Variants in NR2F1-AS1 observed in about 807,000 individuals in gnomAD.
NR2F1-AS1 encodes the protein NR2F1 antisense RNA 1.
At chr5:93,467,386 T>C (rs2149867806) in intron 4 of NR2F1-AS1, among the ~76,000 whole-genome samples, 1 of 152,236 alleles carries the variant, frequency 6.6e-6, no homozygotes, top group Middle Eastern at 3.4e-3. Flanking sequence ...TCTTCAATTT[T>C]CCAAGGCATC....
intron 4 of NR2F1-AS1, among the ~76,000 whole-genome samples, chr5:93,440,140 C>T (rs755612705): frequency 3.3e-5 from 5 of 152,054 alleles, no homozygotes; most frequent in Non-Finnish European, 7.3e-5. Flanking sequence ...CTTATCTCCA[C>T]CCACATTCTC....
At chr5:93,562,070 G>C (rs1285058556) in intron 2 of NR2F1-AS1, among the ~76,000 whole-genome samples, 1 of 149,144 alleles carries the variant, frequency 6.7e-6, no homozygotes, top group African/African-American at 2.5e-5. Flanking sequence ...AAACATGGCT[G>C]GGTGTTATAG....
At chr5:93,475,051 G>A (rs1322927169) in intron 4 of NR2F1-AS1, among the ~76,000 whole-genome samples, 10 of 151,586 alleles carry the variant, frequency 6.6e-5, no homozygotes, top group African/African-American at 2.4e-4. Context: ...GTGAACCTGG[G>A]AGGCGGAGCT....
At chr5:93,468,507 T>G (rs1750292615) in intron 4 of NR2F1-AS1, among the ~76,000 whole-genome samples, 1 of 152,214 alleles carries the variant, frequency 6.6e-6, no homozygotes, top group South Asian at 2.1e-4. Flanking sequence ...GTTTTTTTCT[T>G]GTAAAGTTGT....
intron 4 of NR2F1-AS1, among the ~76,000 whole-genome samples, chr5:93,512,648 C>T (rs1751323255): frequency 1.3e-5 from 2 of 152,256 alleles, no homozygotes; most frequent in East Asian, 3.9e-4. Flanking sequence ...AAGCTCCACT[C>T]ACAGTAAGTG....
intron 4 of NR2F1-AS1, chr5:93,410,287 C>A (rs1748826656): frequency 1.3e-5 from 2 of 152,208 alleles, no homozygotes; most frequent in South Asian, 4.1e-4. Flanking sequence ...TGAGTACCAT[C>A]ACCCACGTTT....
chr5:93,409,402 T>C (rs1476304413), intron 4 of NR2F1-AS1: 2 of 152,168 alleles, frequency 1.3e-5, no homozygotes, highest in Non-Finnish European at 2.9e-5. Flanking sequence ...AGTAGATTGA[T>C]TGTAAGCTAC....
intron 4 of NR2F1-AS1, among the ~76,000 whole-genome samples, chr5:93,481,917 G>A (rs544258637): frequency 6.6e-6 from 1 of 152,166 alleles, no homozygotes; most frequent in South Asian, 2.1e-4. Flanking sequence ...GCAGTATCCA[G>A]GGGAAATTTT....
At chr5:93,505,450 C>T (rs1751166292) in intron 4 of NR2F1-AS1, among the ~76,000 whole-genome samples, 2 of 152,240 alleles carry the variant, frequency 1.3e-5, no homozygotes, top group Admixed American at 1.3e-4. Context: ...TGTAGGGACT[C>T]CAACCCCACA....
At chr5:93,451,159 T>A (rs1206386863) in intron 4 of NR2F1-AS1, among the ~76,000 whole-genome samples, 6 of 151,982 alleles carry the variant, frequency 3.9e-5, no homozygotes, top group Non-Finnish European at 8.8e-5. Flanking sequence ...CCCCAGGTAT[T>A]TTTAAAGTAC....
intron 4 of NR2F1-AS1, among the ~76,000 whole-genome samples, chr5:93,520,216 G>A (rs1364150073): frequency 6.6e-6 from 1 of 151,952 alleles, no homozygotes; most frequent in Non-Finnish European, 1.5e-5. Context: ...GTTTTTAATA[G>A]TCAGGATTAG....
intron 4 of NR2F1-AS1, among the ~76,000 whole-genome samples, chr5:93,460,860 AAGG>A (rs984478531): frequency 6.6e-6 from 1 of 152,212 alleles, no homozygotes; most frequent in Admixed American, 6.5e-5. Context: ...TGTGGAGAAA[AAGG>A]AACACTTTTA....
At chr5:93,543,963 A>C (rs1442816415) in intron 4 of NR2F1-AS1, 1 of 152,192 alleles carries the variant, frequency 6.6e-6, no homozygotes, top group Non-Finnish European at 1.5e-5. Context: ...CCACAGTCTG[A>C]CATTAGTGAA....
chr5:93,527,597 T>C (rs1360952104), intron 4 of NR2F1-AS1, among the ~76,000 whole-genome samples: 2 of 152,072 alleles, frequency 1.3e-5, no homozygotes, highest in African/African-American at 2.4e-5. Flanking sequence ...CTTCAAACTA[T>C]ACTACAAGGC....
chr5:93,474,482 C>A (rs1485118216), intron 4 of NR2F1-AS1, among the ~76,000 whole-genome samples: 1 of 152,142 alleles, frequency 6.6e-6, no homozygotes, highest in Non-Finnish European at 1.5e-5. Flanking sequence ...ATACCATAGG[C>A]TAGATGGCTT....
chr5:93,578,332 C>T (rs1286587356), intron 1 of NR2F1-AS1, among the ~76,000 whole-genome samples: 1 of 152,124 alleles, frequency 6.6e-6, no homozygotes, highest in African/African-American at 2.4e-5. Context: ...TAGCAGCCCG[C>T]AAGGGGTACT....
At chr5:93,552,970 C>T (rs572587502) in intron 4 of NR2F1-AS1, among the ~76,000 whole-genome samples, 3 of 152,108 alleles carry the variant, frequency 2.0e-5, no homozygotes, top group South Asian at 2.1e-4. Flanking sequence ...ACTACTGACT[C>T]TTGTAGTAAT....
chr5:93,565,397 A>G (rs1349239987), intron 1 of NR2F1-AS1, among the ~76,000 whole-genome samples: 1 of 152,184 alleles, frequency 6.6e-6, no homozygotes, highest in Non-Finnish European at 1.5e-5. Context: ...CAACATTTAA[A>G]AAAGTATTTA....
chr5:93,500,180 G>T (rs1010573169), intron 4 of NR2F1-AS1, among the ~76,000 whole-genome samples: 2 of 152,230 alleles, frequency 1.3e-5, no homozygotes, highest in Non-Finnish European at 2.9e-5. Flanking sequence ...GCCTTCGGTT[G>T]AAAGAAGATG....
Sources: gnomAD v4.1 joint callset for allele counts (sites outside exome capture counted in the v4.1 genomes callset) on GRCh38, gnomAD v4.1.1 for gene constraint, MANE v1.5 for transcripts, NCBI Gene and HGNC (gene_info 2026-07-23, HGNC 2026-07-21) for gene names.